The following GPR108 variants were observed in gnomAD, a reference collection of about 807,000 sequenced individuals.
GPR108 encodes the protein G protein-coupled receptor 108.
In GPR108, 60 loss-of-function variants were observed where a neutral mutation model predicts 74.3. That is an observed-to-expected ratio of 0.81 (90% CI 0.66 to 1.00). The LOEUF is 1.00. GPR108 is among the 50% of genes least tolerant of loss of function. GPR108 has a pLI of 0.00. For missense variants in GPR108, 667 were observed against 703.3 expected, an observed-to-expected ratio of 0.95 and a Z score of 0.58; for synonymous variants, 311 against 292.4, an observed-to-expected ratio of 1.06 and a Z score of -0.65.
chr19:6,732,707 G>T, intron 10 of GPR108, 158 bp from the exon 11 acceptor site: 1 of 687,212 alleles, frequency 1.5e-6, no homozygotes, highest in Non-Finnish European at 2.6e-6. Context: ...GGTAATCGGG[G>T]CTGAAAAAAT....
At position 6,732,139 on chromosome 19, in the gene GPR108, G is replaced by C. The variant is rs951783331; in HGVS notation, c.1142C>G (p.Ala381Gly). The stretch of plus-strand genomic sequence containing the variant: ...CTCGCGGGACTCGATGATGATGTAG[G>C]CCACGTTGGCCAGGACCTGCGCAGG... Reference protein sequence around the residue: ...VIPMQVLANVAYIIIESREEG... With the variant: ...VIPMQVLANVGYIIIESREEG... The change falls in exon 13 of 18, where the codon GCC (alanine) becomes GGC (glycine). Residue 381 changes from alanine (A) to glycine (G), a missense_variant. Transcript: ENST00000264080. 1 of 1,613,714 alleles carries C rather than the reference G, an allele frequency of 6.2e-7. No homozygotes were observed. Among genetic ancestry groups the C allele is most frequent in the Non-Finnish European group, 8.5e-7 (1 of 1,180,002 alleles).
chr19:6,731,806 C>T, intron 14 of GPR108, 85 bp downstream of exon 14: 1 of 1,497,540 alleles, frequency 6.7e-7, no homozygotes, highest in Admixed American at 1.9e-5. Flanking sequence ...GCAGAGAGGC[C>T]AGGAGGGGCA....
At chr19:6,733,954 C>G in intron 6 of GPR108, 41 bp from the exon 7 acceptor site, 1 of 1,614,126 alleles carries the variant, frequency 6.2e-7, no homozygotes, top group Non-Finnish European at 8.5e-7. Context: ...TTCTGGGTCC[C>G]CGCAGGGCCC....
At position 6,732,332 on chromosome 19, in the gene GPR108, G is replaced by C. The variant is rs1349792503; in HGVS notation, c.1056C>G (p.Gly352=). 4 of 1,613,474 alleles carry C rather than the reference G, an allele frequency of 2.5e-6. No homozygotes were observed. In the Admixed American group the frequency reaches 6.7e-5, roughly 27 times the overall value. The change falls in exon 12 of 18, where the codon GGC becomes GGG. Residue 352 remains glycine (G), a synonymous_variant. Transcript: ENST00000264080. ...ACAGGACGTACTTGATGAAGGCCCA[G>C]CCTGAGCCAATCAGGGCGATGGTGA... ...LFITIALIGS[G]WAFIKYVLSD...
At position 6,737,531 on chromosome 19, in the gene GPR108, C is replaced by A. The variant is rs1353619404; in HGVS notation, c.46G>T (p.Glu16Ter). ...RRGLGRGSPA[E>*]WGQRLLLVLL... ...ACCAGAAGTAGCCGCTGCCCCCACT[C>A]CGCGGGGCTCCCGCGGCCGAGCCCC... is the stretch of plus-strand genomic sequence containing the variant. The change falls in exon 1 of 18, where the codon GAG becomes TAG. Residue 16 changes from glutamate (E) to a stop codon, truncating the protein, a stop_gained. Transcript: ENST00000264080. LOFTEE classifies it high-confidence loss of function. 2 of 1,560,058 alleles carry A rather than the reference C, an allele frequency of 1.3e-6. No homozygotes were observed. The highest frequency in any genetic ancestry group is 1.1e-5 in the South Asian group (1 of 87,202).
rs1245954773 is a variant in GPR108, at chr19:6,730,161, C to G, written c.*151G>C. 5 of 706,492 alleles carry G rather than the reference C, an allele frequency of 7.1e-6. No homozygotes were observed. The highest frequency in any genetic ancestry group is 1.3e-5 in the Non-Finnish European group (5 of 398,470). 43.8% of individuals were successfully genotyped at this position (706,492 alleles called of 1,614,324 possible). A position where few individuals can be genotyped will look rare whatever the true frequency, so the allele number is the denominator to read the frequency against. ...TTGGGGGGAGGAAGGGACTCTTCTTCCAAATGGGCTTGTCCGGGAACCGGG... is the reference window on the plus strand; with the variant it reads ...TTGGGGGGAGGAAGGGACTCTTCTTGCAAATGGGCTTGTCCGGGAACCGGG... On this transcript the variant is annotated 3_prime_UTR_variant, in exon 18 of 18. Transcript: ENST00000264080.
rs1303484864 is a variant in GPR108, at chr19:6,730,297, G to A, written c.*15C>T. The A allele has an allele frequency of 6.2e-7, 1 of 1,610,830 alleles. No homozygotes were observed. Among genetic ancestry groups the A allele is most frequent in the Non-Finnish European group, 8.5e-7 (1 of 1,177,042 alleles). ...CTGGGGGAGGACGACCCTTTGGTCT[G>A]AGATGTGGAGGTGATCATAACAGTT... On this transcript the variant is annotated 3_prime_UTR_variant, in exon 18 of 18. Transcript: ENST00000264080.
chr19:6,730,839 CCTCCA>C, intron 17 of GPR108, 143 bp downstream of exon 17: 1 of 1,003,840 alleles, frequency 1.0e-6, no homozygotes, highest in Non-Finnish European at 1.5e-6. Flanking sequence ...CCCCATCTCC[CCTCCA>C]TCCCTTCTCA....
In GPR108 at chr19:6,732,521, C is replaced by T. The variant is rs1156805613; in HGVS notation, c.962G>A (p.Gly321Asp). ...GACGGCAAGGCCTTCGATGGGGTGG[C>T]CCTGGCTGTTGATGAAGTAGTAGTT... ...SINYYFINSQGHPIEGLAVMY... is the reference protein window; with the variant it reads ...SINYYFINSQDHPIEGLAVMY... Residue 321 changes from glycine to aspartate, a missense_variant, in exon 11 of 18, where the codon GGC becomes GAC. Gly to Asp is a moderately conservative substitution (Grantham distance 94). Coordinates refer to ENST00000264080, the MANE Select transcript of GPR108 (RefSeq NM_001080452.2). 1 of 1,613,608 alleles carries T rather than the reference C, an allele frequency of 6.2e-7. No individual in the cohort carries two copies. The highest frequency in any genetic ancestry group is 1.3e-5 in the African/African-American group (1 of 74,848).
At chr19:6,737,010 C>T in intron 1 of GPR108, 1 of 434,392 alleles carries the variant, frequency 2.3e-6, no homozygotes, top group South Asian at 2.7e-5. Flanking sequence ...CTGACCTTCA[C>T]CTTCCCGAAG....
rs369921315 is a variant in GPR108, at chr19:6,733,681, G to A, written c.619-7C>T. 44 of 1,613,054 alleles carry A rather than the reference G, an allele frequency of 2.7e-5. No individual in the cohort carries two copies. The highest frequency in any genetic ancestry group is 2.0e-4 in the South Asian group (18 of 91,066). ...AGCCGATCACCACGTGGAACTGGGC[G>A]GGCGGGGAGAGAGGAGGGCTCAGCC... is the stretch of plus-strand genomic sequence containing the variant. On this transcript the variant is annotated splice_polypyrimidine_tract_variant and splice_region_variant and intron_variant, in intron 7 of 17. Coordinates refer to ENST00000264080, the MANE Select transcript of GPR108 (RefSeq NM_001080452.2).
intron 5 of GPR108, 63 bp from the exon 6 acceptor site, chr19:6,734,117 C>T (rs1393628523): frequency 2.2e-5 from 35 of 1,614,100 alleles, no homozygotes; most frequent in Middle Eastern, 1.6e-4. Flanking sequence ...AGTGGGAAAA[C>T]GGCATGGGGA....
At chr19:6,731,641 G>T in intron 14 of GPR108, 119 bp from the exon 15 acceptor site, 1 of 936,198 alleles carries the variant, frequency 1.1e-6, no homozygotes, top group Non-Finnish European at 1.6e-6. Flanking sequence ...GGAGCAGCAA[G>T]TCTCGAGGGG....
rs190222604 is a variant in GPR108, at chr19:6,730,242, G to A, written c.*70C>T. 4.2e-5 allele frequency: 59 copies of A among 1,414,890 alleles called. No individual in the cohort carries two copies. In the East Asian group the frequency reaches 1.3e-3, roughly 30 times the overall value. 87.6% of individuals were successfully genotyped at this position (1,414,890 alleles called of 1,614,324 possible). On this transcript the variant is annotated 3_prime_UTR_variant, in exon 18 of 18. Transcript: ENST00000264080. ...GGACCCCCTCCACCTCCCCACATAC[G>A]CTGTGGAAGAAGGGCAGGAGTGAGA...
At chr19:6,733,136 A>C (rs769848975) in intron 9 of GPR108, 32 bp downstream of exon 9, 2 of 1,613,600 alleles carry the variant, frequency 1.2e-6, no homozygotes, top group Admixed American at 1.7e-5. Flanking sequence ...TGGTGAAGGG[A>C]CGTGGGGGAC....
At position 6,733,499 on chromosome 19, in the gene GPR108, G is replaced by T. The variant is rs533699253; in HGVS notation, c.723+71C>A. 4.6e-5 allele frequency: 69 copies of T among 1,493,502 alleles called. No homozygotes were observed. The East Asian group carries it at 1.4e-3, about 29-fold the overall frequency. 92.5% of individuals were successfully genotyped at this position (1,493,502 alleles called of 1,614,324 possible). Reference sequence around the variant, plus strand: ...GGAGGGCTGGGAAAAGCTAAGCGGGGTGAGGCACTCTGGGCCCGCAGTGGC... The same window carrying T: ...GGAGGGCTGGGAAAAGCTAAGCGGGTTGAGGCACTCTGGGCCCGCAGTGGC... On this transcript the variant is annotated intron_variant, in intron 8 of 17. Transcript: ENST00000264080.
chr19:6,737,395 AG>A, intron 1 of GPR108, 61 bp downstream of exon 1: 3 of 1,549,994 alleles, frequency 1.9e-6, no homozygotes, highest in Non-Finnish European at 2.6e-6. Flanking sequence ...ACTCCAAGCC[AG>A]GGGGCTTCTC....
In GPR108 at chr19:6,733,199, T is replaced by G; in HGVS notation, c.826A>C (p.Ile276Leu). 11 of 1,614,048 alleles carry G rather than the reference T, an allele frequency of 6.8e-6. No individual in the cohort carries two copies. Among genetic ancestry groups the G allele is most frequent in the Non-Finnish European group, 8.5e-6 (10 of 1,180,022 alleles). Residue 276 changes from isoleucine to leucine, a missense_variant, in exon 9 of 18, where the codon ATC becomes CTC. By Grantham distance (5) the Ile-to-Leu change is conservative (BLOSUM62 2). Coordinates refer to ENST00000264080, the MANE Select transcript of GPR108 (RefSeq NM_001080452.2). ...CTGCAGAGGATGGACACCCAGAAGA[T>G]GCCAGCGGCCAGGAAGCAGGCGGAC... ...VMSACFLAAGIFWVSILCRNT... is the reference protein window; with the variant it reads ...VMSACFLAAGLFWVSILCRNT...
chr19:6,736,512 T>G (rs1968640306), intron 2 of GPR108, 80 bp downstream of exon 2: 1 of 1,410,044 alleles, frequency 7.1e-7, no homozygotes, highest in Admixed American at 2.0e-5. Context: ...CAAGATCACA[T>G]GGGTAGCGGC....
Sources: gnomAD v4.1 joint callset for allele counts on GRCh38, gnomAD v4.1.1 for gene constraint, MANE v1.5 for transcripts, NCBI Gene and HGNC (gene_info 2026-07-23, HGNC 2026-07-21) for gene names.